LHFPL3: variants seen among roughly 807,000 people sequenced by gnomAD.
The protein encoded by LHFPL3 is LHFPL tetraspan subfamily member 3.
Under a neutral mutation model 19.3 loss-of-function variants are expected in LHFPL3, and 5 were observed. The ratio of observed to expected loss-of-function variants is 0.26; its 90% confidence interval spans 0.14 to 0.54. The LOEUF is 0.54. Among genes scored for constraint, LHFPL3 ranks in the 20% least tolerant of loss-of-function variants. The pLI is 0.94. For synonymous variants in LHFPL3, 133 were observed against 126.2 expected, an observed-to-expected ratio of 1.05 and a Z score of -0.36; for missense variants, 249 against 307.4, an observed-to-expected ratio of 0.81 and a Z score of 1.42.
intron 1 of LHFPL3, among the ~76,000 whole-genome samples, chr7:104,575,086 T>G (rs183759408): frequency 6.6e-6 from 1 of 151,758 alleles, no homozygotes; most frequent in Non-Finnish European, 1.5e-5. Flanking sequence ...GGTTTCTGAG[T>G]AAATGGAACA....
intron 2 of LHFPL3, among the ~76,000 whole-genome samples, chr7:104,750,559 C>G (rs980248947): frequency 1.4e-5 from 2 of 141,764 alleles, no homozygotes; most frequent in African/African-American, 5.1e-5. Flanking sequence ...TAGATTTAGA[C>G]TTGATCTTCC....
intron 1 of LHFPL3, among the ~76,000 whole-genome samples, chr7:104,654,878 A>T (rs1487680142): frequency 6.6e-6 from 1 of 152,190 alleles, no homozygotes; most frequent in African/African-American, 2.4e-5. Context: ...TGTACAAACC[A>T]AGCCGACTTT....
intron 1 of LHFPL3, among the ~76,000 whole-genome samples, chr7:104,529,240 T>G (rs184260489): frequency 6.6e-6 from 1 of 152,192 alleles, no homozygotes; most frequent in Non-Finnish European, 1.5e-5. Flanking sequence ...TCCTTAGATA[T>G]TCTCTTGCTG....
intron 2 of LHFPL3, among the ~76,000 whole-genome samples, chr7:104,845,954 G>A (rs1435707568): frequency 6.6e-6 from 1 of 152,188 alleles, no homozygotes; most frequent in Non-Finnish European, 1.5e-5. Flanking sequence ...AATGAGCCAC[G>A]GAGAAAAGAG....
At chr7:104,370,369 T>C (rs1039735119) in intron 1 of LHFPL3, among the ~76,000 whole-genome samples, 1 of 152,122 alleles carries the variant, frequency 6.6e-6, no homozygotes, top group Admixed American at 6.6e-5. Context: ...GTGTCCTTTT[T>C]TCCTCTTTCA....
chr7:104,690,462 A>G (rs1460064944), intron 1 of LHFPL3, among the ~76,000 whole-genome samples: 3 of 152,226 alleles, frequency 2.0e-5, no homozygotes, highest in South Asian at 4.1e-4. Flanking sequence ...TTTCCCTTCC[A>G]TAAGATATCA....
chr7:104,502,810 A>G (rs1489211415), intron 1 of LHFPL3, among the ~76,000 whole-genome samples: 1 of 152,236 alleles, frequency 6.6e-6, no homozygotes, highest in African/African-American at 2.4e-5. Context: ...TATTGTTTAC[A>G]CAACTCTATT....
chr7:104,538,453 A>G (rs777955424), intron 1 of LHFPL3, among the ~76,000 whole-genome samples: 2 of 152,192 alleles, frequency 1.3e-5, no homozygotes, highest in Admixed American at 6.5e-5. Context: ...ACAGCCATAC[A>G]TTCACTGGAT....
chr7:104,899,592 C>T (rs947718952), intron 2 of LHFPL3, among the ~76,000 whole-genome samples: 2 of 152,024 alleles, frequency 1.3e-5, no homozygotes, highest in African/African-American at 4.8e-5. Context: ...GTATGAAGCT[C>T]AATATTAAAT....
chr7:104,365,684 G>GCA, intron 1 of LHFPL3, among the ~76,000 whole-genome samples: 1 of 148,542 alleles, frequency 6.7e-6, no homozygotes, highest in East Asian at 2.0e-4. Flanking sequence ...GGGAGGCTGA[G>GCA]GCAGGAGAAT....
At chr7:104,395,670 C>T (rs1412861631) in intron 1 of LHFPL3, among the ~76,000 whole-genome samples, 1 of 152,148 alleles carries the variant, frequency 6.6e-6, no homozygotes, top group Non-Finnish European at 1.5e-5. Context: ...CTGGCTTTCT[C>T]ATGCATTTTT....
chr7:104,403,330 C>T (rs1483010090), intron 1 of LHFPL3, among the ~76,000 whole-genome samples: 1 of 152,210 alleles, frequency 6.6e-6, no homozygotes, highest in Non-Finnish European at 1.5e-5. Flanking sequence ...TGTAGTCTAG[C>T]TCATAGCACA....
At chr7:104,384,802 A>G (rs1390243600) in intron 1 of LHFPL3, among the ~76,000 whole-genome samples, 3 of 151,368 alleles carry the variant, frequency 2.0e-5, no homozygotes, top group Non-Finnish European at 2.9e-5. Context: ...AAAAAAAAAA[A>G]AAAAAAAAAG....
intron 1 of LHFPL3, among the ~76,000 whole-genome samples, chr7:104,491,609 G>A (rs1276368085): frequency 2.0e-4 from 31 of 152,108 alleles, no homozygotes; most frequent in African/African-American, 2.4e-5. Flanking sequence ...CACAGTAGGT[G>A]AGAGCTGATT....
chr7:104,581,767 A>T (rs960126752), intron 1 of LHFPL3, among the ~76,000 whole-genome samples: 6 of 151,966 alleles, frequency 3.9e-5, no homozygotes, highest in Admixed American at 3.3e-4. Flanking sequence ...TTATTTTGGC[A>T]TGTCTGTCAA....
intron 1 of LHFPL3, among the ~76,000 whole-genome samples, chr7:104,599,715 G>T (rs918961085): frequency 6.6e-6 from 1 of 152,122 alleles, no homozygotes; most frequent in Non-Finnish European, 1.5e-5. Flanking sequence ...CCAGGTATTA[G>T]GGAAACATTA....
In LHFPL3 at chr7:104,394,174, G is replaced by A. The variant is rs141502529; in HGVS notation, c.445+64950G>A. 6.4e-4 allele frequency among the ~76,000 whole-genome samples: 98 copies of A among 152,294 alleles called. 1 individual carries two copies. The East Asian group carries it at 0.015, about 24-fold the overall frequency. ...TGGCAAGACTGAAAGACTACCTAGC[G>A]TAGTGGTTCTTGACTTTACTGTACA... is the stretch of plus-strand genomic sequence containing the variant. On this transcript the variant is annotated intron_variant, in intron 1 of 2. Transcript: ENST00000424859.
intron 1 of LHFPL3, among the ~76,000 whole-genome samples, chr7:104,474,785 A>G (rs1026942583): frequency 1.2e-4 from 18 of 152,128 alleles, no homozygotes; most frequent in African/African-American, 4.3e-4. Context: ...AATACTGAAA[A>G]GGCAGAAGAA....
intron 1 of LHFPL3, among the ~76,000 whole-genome samples, chr7:104,601,932 C>T (rs541444302): frequency 1.3e-5 from 2 of 151,934 alleles, no homozygotes; most frequent in African/African-American, 4.8e-5. Flanking sequence ...CCCTGAATCA[C>T]ATGACGGTTT....
Sources: gnomAD v4.1 joint callset for allele counts (sites outside exome capture counted in the v4.1 genomes callset) on GRCh38, gnomAD v4.1.1 for gene constraint, MANE v1.5 for transcripts, NCBI Gene and HGNC (gene_info 2026-07-23, HGNC 2026-07-21) for gene names.